The following PFKM variants were observed in gnomAD, a reference collection of about 807,000 sequenced individuals.
PFKM encodes the protein ATP-dependent 6-phosphofructokinase, muscle type.
In PFKM, 58 loss-of-function variants were observed where a neutral mutation model predicts 95.5. The ratio of observed to expected loss-of-function variants is 0.61; its 90% CI spans 0.49 to 0.76. The LOEUF (loss-of-function observed/expected upper bound fraction) is 0.76. Among genes scored for constraint, PFKM ranks in the 30% least tolerant of loss-of-function variants. The probability of loss-of-function intolerance (pLI) is 0.00; values close to 1 mark genes in which losing one functional copy is unlikely to be tolerated. For synonymous variants in PFKM, 336 were observed against 357.2 expected (o/e 0.94, Z 0.67); for missense variants, 678 against 1,005.4 (o/e 0.67, Z 4.40).
intron 11 of PFKM, 58 bp from the exon 12 acceptor site, chr12:48,139,227 T>G (rs1950368854): frequency 2.9e-6 from 4 of 1,358,420 alleles, no homozygotes; most frequent in Non-Finnish European, 4.2e-6. Flanking sequence ...GGGATGGAGT[T>G]CCAGCTGTGC....
chr12:48,129,416 T>A (rs1489027062), intron 2 of PFKM, among the ~76,000 whole-genome samples: 1 of 151,896 alleles, frequency 6.6e-6, no homozygotes, highest in Admixed American at 6.6e-5. Context: ...TACAGTATAC[T>A]TTTTGAGTTC....
chr12:48,109,530 A>G (rs1251981405), intron 3 of PFKM, among the ~76,000 whole-genome samples: 1 of 151,948 alleles, frequency 6.6e-6, no homozygotes, highest in African/African-American at 2.4e-5. Context: ...ATTTGCCCTC[A>G]TCTTTCCTGC....
At chr12:48,114,835 C>G (rs1947528635), upstream of PFKM, among the ~76,000 whole-genome samples, 1 of 152,078 alleles carries the variant, frequency 6.6e-6, no homozygotes, top group Non-Finnish European at 1.5e-5. Context: ...CCATTTAGAA[C>G]CATTGTCGAG....
intron 2 of PFKM, among the ~76,000 whole-genome samples, chr12:48,127,519 A>G (rs1364172020): frequency 6.6e-6 from 1 of 152,204 alleles, no homozygotes; most frequent in East Asian, 1.9e-4. Flanking sequence ...TTGAAATGTA[A>G]TCACATTGCC....
At chr12:48,109,807 A>G (rs1334880452) in intron 3 of PFKM, among the ~76,000 whole-genome samples, 2 of 151,824 alleles carry the variant, frequency 1.3e-5, no homozygotes, top group African/African-American at 2.4e-5. Context: ...TCTTCTGCCT[A>G]CCTCCCTGCT....
At chr12:48,126,011 A>G (rs1948799130) in intron 2 of PFKM, among the ~76,000 whole-genome samples, 1 of 152,116 alleles carries the variant, frequency 6.6e-6, no homozygotes, top group African/African-American at 2.4e-5. Context: ...GAGACCCATT[A>G]CCCACAGTTC....
At chr12:48,130,077 A>G (rs1949310166) in intron 2 of PFKM, among the ~76,000 whole-genome samples, 1 of 152,114 alleles carries the variant, frequency 6.6e-6, no homozygotes, top group Non-Finnish European at 1.5e-5. Context: ...TCTTGTTGTT[A>G]TTGTTTCCCA....
chr12:48,139,517 C>G (rs1448471505), intron 12 of PFKM, 168 bp downstream of exon 12: 1 of 670,442 alleles, frequency 1.5e-6, no homozygotes, highest in African/African-American at 1.8e-5. Flanking sequence ...GACTGGGAGG[C>G]TCAGTTCATC....
chr12:48,130,507 C>T (rs2135844517), intron 3 of PFKM, 71 bp downstream of exon 3: 2 of 1,166,228 alleles, frequency 1.7e-6, no homozygotes, highest in East Asian at 4.7e-5. Flanking sequence ...ATCCCCTTCC[C>T]ACATTCTGTG....
Position 48,145,895 on chromosome 12 carries a change from GA to G in PFKM, c.*189del. The G allele has an allele frequency of 1.6e-6, 1 of 615,026 alleles. No individual in the cohort carries two copies. Among genetic ancestry groups the G allele is most frequent in the Non-Finnish European group, 2.9e-6 (1 of 348,132 alleles). The allele number at this position is 615,026 out of a possible 1,614,324, so 38.1% of individuals were successfully genotyped here. The stretch of plus-strand genomic sequence containing the variant: ...AGTGGGTGGGAGCTCCTTTTAGGTA[GA>G]ATTTAACATGACTTCTGCCCCAGCT... On this transcript the variant is annotated 3_prime_UTR_variant, in exon 23 of 23. Transcript: ENST00000359794. This position sits in a 1 kb window ranked among gnomAD's most constrained non-coding sequence, Gnocchi z 4.3.
At chr12:48,106,192 A>G in intron 1 of PFKM, 1 of 682,302 alleles carries the variant, frequency 1.5e-6, no homozygotes, top group Non-Finnish European at 2.7e-6. Context: ...GTTAAGGACC[A>G]GTGGGGCGCC....
At position 48,132,856 on chromosome 12, in the gene PFKM, C is replaced by T. The variant is rs765462498; in HGVS notation, c.238-12C>T. 1.1e-4 allele frequency: 177 copies of T among 1,605,118 alleles called. No individual in the cohort carries two copies. Among genetic ancestry groups the T allele is most frequent in the Non-Finnish European group, 1.5e-4 (171 of 1,175,392 alleles). On this transcript the variant is annotated splice_polypyrimidine_tract_variant and intron_variant, in intron 4 of 22. Transcript: ENST00000359794. ...CCTGTCTCTGGGGAGCTGACTTCTA[C>T]CTCTTCCAAAGGGAGGCACGGTGAT...
chr12:48,132,018 G>A (rs761805296), intron 4 of PFKM: 7 of 455,384 alleles, frequency 1.5e-5, no homozygotes, highest in Non-Finnish European at 2.6e-5. Context: ...CCTTTTTTCA[G>A]CTCAGTTCCC....
Position 48,145,476 on chromosome 12 carries a change from T to G in PFKM, c.2199-88T>G. The G allele has an allele frequency of 1.3e-6, 2 of 1,515,854 alleles. No homozygotes were observed. The highest frequency in any genetic ancestry group is 9.1e-7 in the Non-Finnish European group (1 of 1,094,142). 93.9% of individuals were successfully genotyped at this position (1,515,854 alleles called of 1,614,324 possible). Reference sequence around the variant, plus strand: ...ATGCACATGTCCTAAATCTAACCTCTTCTGTCTAACTTCTTCCTATAAACC... The same window carrying G: ...ATGCACATGTCCTAAATCTAACCTCGTCTGTCTAACTTCTTCCTATAAACC... On this transcript the variant is annotated intron_variant, in intron 22 of 22. Coordinates refer to ENST00000359794, the MANE Select transcript of PFKM (RefSeq NM_000289.6). The surrounding 1 kb of genome is among the most constrained non-coding windows in gnomAD (Gnocchi z 4.3).
At chr12:48,142,513 TTTG>T (rs199984549) in intron 17 of PFKM, 180 of 495,998 alleles carry the variant, frequency 3.6e-4, no homozygotes, top group Middle Eastern at 1.7e-3. Flanking sequence ...AAATGTTTTG[TTTG>T]TTTTTTTTTT....
chr12:48,106,086 C>G, exon 1 of PFKM: 1 of 702,612 alleles, frequency 1.4e-6, no homozygotes, highest in Non-Finnish European at 2.6e-6. Context: ...ACGCAAAACC[C>G]GGGAACCGCC....
intron 9 of PFKM, 82 bp from the exon 10 acceptor site, chr12:48,135,209 C>T: frequency 7.0e-6 from 9 of 1,282,984 alleles, no homozygotes; most frequent in Non-Finnish European, 1.0e-5. Context: ...GCTGAGCTGT[C>T]CATGGTTTAC....
intron 2 of PFKM, among the ~76,000 whole-genome samples, chr12:48,129,014 T>C (rs924272266): frequency 2.0e-5 from 3 of 152,054 alleles, no homozygotes; most frequent in African/African-American, 7.2e-5. Flanking sequence ...TTGTTCCTAA[T>C]ATGAAACACA....
chr12:48,108,218 A>G, intron 3 of PFKM: 4 of 1,592,022 alleles, frequency 2.5e-6, no homozygotes, highest in Non-Finnish European at 3.4e-6. Context: ...GTCAACAGTG[A>G]GAAATGTTCA....
Sources: gnomAD v4.1 joint callset for allele counts (sites outside exome capture counted in the v4.1 genomes callset) on GRCh38, gnomAD v4.1.1 for gene constraint, Gnocchi (gnomAD v3.1) non-coding constraint, MANE v1.5 for transcripts, NCBI Gene and HGNC (gene_info 2026-07-23, HGNC 2026-07-21) for gene names.